The following UBE2QL1 variants were observed in gnomAD, a reference collection of about 807,000 sequenced individuals.
UBE2QL1 encodes ubiquitin conjugating enzyme E2 QL1.
In UBE2QL1, 5 loss-of-function variants were observed where a neutral mutation model predicts 12.6. That is an observed-to-expected ratio of 0.40 (90% CI 0.21 to 0.83). The LOEUF (loss-of-function observed/expected upper bound fraction) is 0.83, where lower values mean the gene tolerates loss of function less well. Among genes scored for constraint, UBE2QL1 ranks in the 40% least tolerant of loss-of-function variants. The pLI is 0.37. For missense variants in UBE2QL1, 99 were observed against 222.6 expected, an observed-to-expected ratio of 0.44 and a Z score of 3.53; for synonymous variants, 96 against 94.5, an observed-to-expected ratio of 1.02 and a Z score of -0.10.
intron 1 of UBE2QL1, among the ~76,000 whole-genome samples, chr5:6,453,713 AC>A (rs1236469726): frequency 1.2e-5 from 1 of 83,056 alleles, no homozygotes; most frequent in African/African-American, 3.5e-5. Flanking sequence ...ACATGTGCAC[AC>A]ACACACACAC....
chr5:6,467,705 G>C (rs1206115211), intron 1 of UBE2QL1, among the ~76,000 whole-genome samples: 3 of 152,076 alleles, frequency 2.0e-5, no homozygotes, highest in Non-Finnish European at 4.4e-5. Context: ...TTGCCTCTCA[G>C]ATGTCCTCCT....
intron 1 of UBE2QL1, among the ~76,000 whole-genome samples, chr5:6,458,621 C>G (rs905562080): frequency 6.6e-6 from 1 of 151,964 alleles, no homozygotes; most frequent in Admixed American, 6.6e-5. Flanking sequence ...AGATGTCTGT[C>G]AGGAATTGGA....
At chr5:6,455,774 C>T (rs1341749682) in intron 1 of UBE2QL1, among the ~76,000 whole-genome samples, 1 of 152,086 alleles carries the variant, frequency 6.6e-6, no homozygotes, top group African/African-American at 2.4e-5. Context: ...CACCAGTAAC[C>T]ACAGCCCAGA....
At chr5:6,463,041 C>A (rs1739709475) in intron 1 of UBE2QL1, among the ~76,000 whole-genome samples, 1 of 152,170 alleles carries the variant, frequency 6.6e-6, no homozygotes, top group Non-Finnish European at 1.5e-5. Context: ...TGACTCTTTT[C>A]CTTTCTTTTG....
rs1357970075 is a variant in UBE2QL1 at position 6,476,709 on chromosome 5, G to A, written c.355-14509G>A. Among the ~76,000 whole-genome samples the A allele has an allele frequency of 6.6e-6, 1 of 152,206 alleles. No homozygotes were observed. The highest frequency in any genetic ancestry group is 1.9e-4 in the East Asian group (1 of 5,194). ...CTTTTGGTTCCTTTCATTGCCTGGA[G>A]TGACCTTTGGTCGTATCACATGAGA... is the stretch of plus-strand genomic sequence containing the variant. On this transcript the variant is annotated intron_variant, in intron 1 of 1. Transcript: ENST00000399816. The surrounding 1 kb of genome is among the most constrained non-coding windows in gnomAD (Gnocchi z 4.9).
At position 6,496,177 on chromosome 5, in the gene UBE2QL1, C is replaced by T. The variant is rs913121041; in HGVS notation, c.*4828C>T. Among the ~76,000 whole-genome samples the T allele has an allele frequency of 8.5e-5, 13 of 152,284 alleles. No individual in the cohort carries two copies. The highest frequency in any genetic ancestry group is 2.1e-4 in the South Asian group (1 of 4,818). ...AAGAGATCCCTGCACTGCCCCCAAC[C>T]GCCAATTCACCCTGTGTCTCTCGCA... is the stretch of plus-strand genomic sequence containing the variant. On this transcript the variant is annotated 3_prime_UTR_variant, in exon 2 of 2. Coordinates refer to ENST00000399816, the MANE Select transcript of UBE2QL1 (RefSeq NM_001145161.3).
chr5:6,475,246 C>T (rs1734206975), intron 1 of UBE2QL1, among the ~76,000 whole-genome samples: 2 of 152,186 alleles, frequency 1.3e-5, no homozygotes, highest in Non-Finnish European at 1.5e-5. Context: ...TAGAAAATCT[C>T]TTGTTAATTT....
chr5:6,470,024 C>G (rs530172208), intron 1 of UBE2QL1, among the ~76,000 whole-genome samples: 1 of 152,144 alleles, frequency 6.6e-6, no homozygotes, highest in Non-Finnish European at 1.5e-5. Context: ...ACAGCGATGC[C>G]GGGGCCGCAG....
At chr5:6,456,498 T>G (rs1365895448) in intron 1 of UBE2QL1, among the ~76,000 whole-genome samples, 1 of 152,246 alleles carries the variant, frequency 6.6e-6, no homozygotes, top group Non-Finnish European at 1.5e-5. Context: ...GTTGTAGTAA[T>G]GGCAGAAATG....
intron 1 of UBE2QL1, among the ~76,000 whole-genome samples, chr5:6,462,006 C>T (rs1232141831): frequency 2.0e-5 from 3 of 152,186 alleles, no homozygotes; most frequent in Non-Finnish European, 4.4e-5. Flanking sequence ...TGTTGGTCAG[C>T]ACTTGACCTT....
At chr5:6,455,978 G>C (rs1333455795) in intron 1 of UBE2QL1, among the ~76,000 whole-genome samples, 4 of 152,192 alleles carry the variant, frequency 2.6e-5, no homozygotes, top group Admixed American at 2.6e-4. Context: ...AGAAAATGTA[G>C]GGATGATTCC....
intron 1 of UBE2QL1, among the ~76,000 whole-genome samples, chr5:6,455,375 A>G (rs749798921): frequency 6.6e-6 from 1 of 152,156 alleles, no homozygotes; most frequent in Non-Finnish European, 1.5e-5. Flanking sequence ...AATGGCTTTT[A>G]TAGTTCAGGA....
chr5:6,470,228 C>T (rs1277842066), intron 1 of UBE2QL1, among the ~76,000 whole-genome samples: 3 of 152,164 alleles, frequency 2.0e-5, no homozygotes, highest in Non-Finnish European at 4.4e-5. Context: ...CCATGTGTGT[C>T]CAGGCCTGCA....
rs990270746 is a variant in UBE2QL1, at chr5:6,481,679, C to A, written c.355-9539C>A. On this transcript the variant is annotated intron_variant, in intron 1 of 1. Transcript: ENST00000399816. The surrounding 1 kb of genome is among the most constrained non-coding windows in gnomAD (Gnocchi z 4.5). ...GCTCGGGCCTCCCACTGATCCTTCC[C>A]CCAGCCTTGCCCACATGACCTTAGT... Among the ~76,000 whole-genome samples the A allele has an allele frequency of 6.6e-6, 1 of 152,244 alleles. No individual in the cohort carries two copies. The highest frequency in any genetic ancestry group is 1.9e-4 in the East Asian group (1 of 5,188).
At position 6,495,464 on chromosome 5, in the gene UBE2QL1, G is replaced by A. The variant is rs902847854; in HGVS notation, c.*4115G>A. Among the ~76,000 whole-genome samples the A allele has an allele frequency of 2.6e-5, 4 of 152,108 alleles. No individual in the cohort carries two copies. The highest frequency in any genetic ancestry group is 2.0e-4 in the Admixed American group (3 of 15,274). ...GGAGGCGAGCCCAGAGACTTTGAGG[G>A]GCTTGTCCACAGTAGGACAGGAGCC... On this transcript the variant is annotated 3_prime_UTR_variant, in exon 2 of 2. Transcript: ENST00000399816.
chr5:6,483,796 TC>T (rs1423908168), intron 1 of UBE2QL1, among the ~76,000 whole-genome samples: 1 of 152,226 alleles, frequency 6.6e-6, no homozygotes, highest in Non-Finnish European at 1.5e-5. Flanking sequence ...TTGTGGCTGA[TC>T]CCTGTGTGGC....
intron 1 of UBE2QL1, among the ~76,000 whole-genome samples, chr5:6,460,576 T>C (rs957631461): frequency 3.9e-5 from 6 of 152,240 alleles, no homozygotes; most frequent in Admixed American, 1.3e-4. Flanking sequence ...TTTGCTGACA[T>C]GCCATCATCA....
intron 1 of UBE2QL1, among the ~76,000 whole-genome samples, chr5:6,487,149 G>A (rs746493898): frequency 3.3e-5 from 5 of 152,216 alleles, no homozygotes; most frequent in African/African-American, 7.2e-5. Flanking sequence ...AGATGCAGAC[G>A]TGCCAGGCTG....
Position 6,478,886 on chromosome 5 carries a change from G to A in UBE2QL1, c.355-12332G>A, listed in dbSNP as rs1217334836. Among the ~76,000 whole-genome samples the A allele has an allele frequency of 1.3e-5, 2 of 152,122 alleles. No homozygotes were observed. Among genetic ancestry groups the A allele is most frequent in the African/African-American group, 4.8e-5 (2 of 41,434 alleles). On this transcript the variant is annotated intron_variant, in intron 1 of 1. Transcript: ENST00000399816. The surrounding 1 kb of genome is among the most constrained non-coding windows in gnomAD (Gnocchi z 4.5). ...GCAAAAGGCAGGAGACATGGAGAGT[G>A]GGTGCCCATCGGTGCATCTGATCTC...
Sources: allele counts gnomAD v4.1 joint callset (sites outside exome capture counted in the v4.1 genomes callset), GRCh38; gene constraint gnomAD v4.1.1; non-coding constraint Gnocchi (gnomAD v3.1); transcripts MANE v1.5; gene names NCBI Gene and HGNC (gene_info 2026-07-23, HGNC 2026-07-21).